The following MYOF variants were observed in gnomAD, a reference collection of about 807,000 sequenced individuals.
The protein encoded by MYOF is myoferlin.
Under a neutral mutation model 284.2 loss-of-function variants are expected in MYOF, and 244 were observed. The observed-to-expected ratio is 0.86, with a 90% CI of 0.77 to 0.95. MYOF has a LOEUF of 0.95. Among genes scored for constraint, MYOF ranks in the 40% least tolerant of loss-of-function variants. The pLI, the probability that MYOF is intolerant of heterozygous loss-of-function variation, is 0.00. For synonymous variants in MYOF, 904 were observed against 919.7 expected, an observed-to-expected ratio of 0.98 and a Z score of 0.31; for missense variants, 2,496 against 2,560.6, an observed-to-expected ratio of 0.97 and a Z score of 0.54.
intron 52 of MYOF, 149 bp downstream of exon 52, chr10:93,310,385 A>G: frequency 1.0e-6 from 1 of 992,990 alleles, no homozygotes; most frequent in Non-Finnish European, 1.5e-6. Context: ...AAATGAAGCC[A>G]GATCACCAAC....
chr10:93,422,486 G>A (rs1423015152), intron 5 of MYOF, among the ~76,000 whole-genome samples: 5 of 152,150 alleles, frequency 3.3e-5, no homozygotes, highest in African/African-American at 4.8e-5. Flanking sequence ...GGATTTTCTC[G>A]CCAGCAGGTT....
intron 27 of MYOF, among the ~76,000 whole-genome samples, chr10:93,362,530 C>T (rs1196737731): frequency 1.3e-5 from 2 of 152,110 alleles, no homozygotes; most frequent in Non-Finnish European, 2.9e-5. Context: ...CAGGTGTGAC[C>T]CACCACACCC....
chr10:93,480,428 C>T (rs1233276578), intron 1 of MYOF, among the ~76,000 whole-genome samples: 1 of 149,312 alleles, frequency 6.7e-6, no homozygotes, highest in Non-Finnish European at 1.5e-5. Context: ...CAATTTTTGC[C>T]CTTTAGATTT....
At chr10:93,366,239 C>T (rs1845320533) in intron 26 of MYOF, among the ~76,000 whole-genome samples, 153 bp downstream of exon 26, 1 of 152,186 alleles carries the variant, frequency 6.6e-6, no homozygotes, top group African/African-American at 2.4e-5. Flanking sequence ...GGTGGAACAT[C>T]TTTCAACTTT....
rs1243618498 is a variant in MYOF, at chr10:93,354,703, T to TCTC, written c.3404-816_3404-815insGAG. Among the ~76,000 whole-genome samples, 361 of 70,748 alleles carry TCTC rather than the reference T, an allele frequency of 5.1e-3. 7 individuals carry two copies. Among genetic ancestry groups the TCTC allele is most frequent in the African/African-American group, 0.013 (344 of 27,398 alleles). 46.4% of individuals were successfully genotyped at this position (70,748 alleles called of 152,430 possible). On this transcript the variant is annotated intron_variant, in intron 31 of 53. Coordinates refer to ENST00000359263, the MANE Select transcript of MYOF (RefSeq NM_013451.4). ...TCTCTCTCTCTCTCTCTCTCTCTCT[T>TCTC]TGTGAGATAGCAGAGCATTATGATT...
At chr10:93,308,109 G>A (rs1364447825) in intron 53 of MYOF, among the ~76,000 whole-genome samples, 1 of 150,302 alleles carries the variant, frequency 6.7e-6, no homozygotes, top group Non-Finnish European at 1.5e-5. Flanking sequence ...CGGGCATGGT[G>A]GTGGGTGCCT....
chr10:93,411,481 G>C (rs1008256896), intron 5 of MYOF, among the ~76,000 whole-genome samples: 7 of 152,216 alleles, frequency 4.6e-5, no homozygotes, highest in African/African-American at 1.7e-4. Flanking sequence ...TTCAGGGTTA[G>C]GATTTCAATG....
chr10:93,463,560 C>T (rs1248092641), intron 1 of MYOF, among the ~76,000 whole-genome samples: 7 of 151,592 alleles, frequency 4.6e-5, no homozygotes, highest in African/African-American at 2.4e-5. Flanking sequence ...CCACCATGCC[C>T]GGCTAATTTT....
At chr10:93,365,853 C>T (rs787643) in intron 26 of MYOF, among the ~76,000 whole-genome samples, 109,311 of 152,104 alleles carry the variant, frequency 0.72, 39,589 homozygotes, top group East Asian at 0.98. Context: ...TCCCCTAAGC[C>T]TAGAGTTCTC....
intron 24 of MYOF, among the ~76,000 whole-genome samples, chr10:93,372,571 C>T (rs1845641143): frequency 6.6e-6 from 1 of 152,200 alleles, no homozygotes; most frequent in Non-Finnish European, 1.5e-5. Flanking sequence ...ATTCCATGAA[C>T]CATCCCTACT....
intron 17 of MYOF, among the ~76,000 whole-genome samples, chr10:93,391,437 CA>C (rs1051900089): frequency 6.6e-6 from 1 of 151,508 alleles, no homozygotes; most frequent in African/African-American, 2.4e-5. Flanking sequence ...ACTAAAAACA[CA>C]AAAAAAATTA....
intron 20 of MYOF, among the ~76,000 whole-genome samples, chr10:93,380,530 G>C (rs1270674123): frequency 6.6e-6 from 1 of 152,012 alleles, no homozygotes; most frequent in African/African-American, 2.4e-5. Flanking sequence ...TAAAACTCTG[G>C]CAATACTGTT....
intron 3 of MYOF, among the ~76,000 whole-genome samples, chr10:93,444,023 G>T (rs959370483): frequency 3.9e-5 from 6 of 152,110 alleles, no homozygotes; most frequent in African/African-American, 4.8e-5. Context: ...CTACAAAATG[G>T]CATGAGCTTT....
chr10:93,407,687 A>G (rs1337504104), intron 7 of MYOF, among the ~76,000 whole-genome samples: 10 of 150,060 alleles, frequency 6.7e-5, no homozygotes, highest in Non-Finnish European at 3.0e-5. Context: ...GCAGTAAGCC[A>G]ACATCACGCC....
intron 34 of MYOF, 33 bp downstream of exon 34, chr10:93,351,380 A>G: frequency 1.2e-6 from 2 of 1,611,640 alleles, no homozygotes; most frequent in Middle Eastern, 3.3e-4. Flanking sequence ...TAAGCAGCTG[A>G]CAGAATACAT....
chr10:93,393,056 G>C, intron 16 of MYOF, 101 bp from the exon 17 acceptor site: 1 of 1,067,214 alleles, frequency 9.4e-7, no homozygotes, highest in Non-Finnish European at 1.4e-6. Flanking sequence ...ATGTGATTTA[G>C]CAACACCAGA....
At chr10:93,358,467 A>G (rs1844914253) in intron 29 of MYOF, among the ~76,000 whole-genome samples, 1 of 152,250 alleles carries the variant, frequency 6.6e-6, no homozygotes, top group East Asian at 1.9e-4. Context: ...CCAGAGGAAT[A>G]TAAACCATTC....
chr10:93,452,426 C>G (rs528704747), intron 2 of MYOF, among the ~76,000 whole-genome samples: 1 of 151,960 alleles, frequency 6.6e-6, no homozygotes, highest in African/African-American at 2.4e-5. Flanking sequence ...TACTCAAGAG[C>G]TGGACTCAAC....
chr10:93,437,178 T>C (rs1849163220), intron 3 of MYOF, among the ~76,000 whole-genome samples: 2 of 152,188 alleles, frequency 1.3e-5, no homozygotes, highest in Non-Finnish European at 2.9e-5. Flanking sequence ...AAATGAGATG[T>C]TATGATTGGG....
Sources: allele counts gnomAD v4.1 joint callset (sites outside exome capture counted in the v4.1 genomes callset), GRCh38; gene constraint gnomAD v4.1.1; transcripts MANE v1.5; gene names NCBI Gene and HGNC (gene_info 2026-07-23, HGNC 2026-07-21).